The following PTK7 variants were observed in gnomAD, a reference collection of about 807,000 sequenced individuals.
The protein encoded by PTK7 is inactive tyrosine-protein kinase 7.
A neutral mutation model predicts 116.6 loss-of-function variants in PTK7; 39 were observed. That is an observed-to-expected ratio of 0.33 (90% CI 0.26 to 0.44). The LOEUF is 0.44. Ranked by LOEUF, PTK7 falls within the 20% of genes least tolerant of loss-of-function variation. The pLI is 1.00. For synonymous variants in PTK7, 546 were observed against 563.6 expected (o/e 0.97, Z 0.44); for missense variants, 1,169 against 1,425.6 (o/e 0.82, Z 2.90).
At chr6:43,096,798 C>T (rs1016940439) in intron 1 of PTK7, among the ~76,000 whole-genome samples, 3 of 152,236 alleles carry the variant, frequency 2.0e-5, no homozygotes, top group Admixed American at 6.5e-5. Flanking sequence ...CTGGTGAAAC[C>T]GGCTGCACAA....
At chr6:43,151,777 TC>T (rs1432793873) in intron 17 of PTK7, among the ~76,000 whole-genome samples, 10 of 150,850 alleles carry the variant, frequency 6.6e-5, no homozygotes, top group African/African-American at 2.4e-4. Flanking sequence ...GACCTCGTGA[TC>T]CGCCCGCCTC....
intron 18 of PTK7, 63 bp from the exon 19 acceptor site, chr6:43,159,725 G>A: frequency 6.5e-7 from 1 of 1,543,644 alleles, no homozygotes; most frequent in Non-Finnish European, 8.9e-7. Flanking sequence ...ATGGGGAGAT[G>A]AGGGTGCAGC....
At chr6:43,086,471 C>G (rs1273928645) in intron 1 of PTK7, among the ~76,000 whole-genome samples, 3 of 151,182 alleles carry the variant, frequency 2.0e-5, no homozygotes, top group Admixed American at 2.0e-4. Context: ...GAGGGGAACG[C>G]TTGTCTGCTT....
At position 43,139,368 on chromosome 6, in the gene PTK7, C is replaced by T. The variant is rs781109466; in HGVS notation, c.1499-38C>T. On this transcript the variant is annotated intron_variant, in intron 9 of 19. Transcript: ENST00000230419. This position sits in a 1 kb window ranked among gnomAD's most constrained non-coding sequence, Gnocchi z 4.6. ...CTGGCCACGGCCTCTCCAGCGGCCC[C>T]AATTCCTCGTCTTTCTACCCACCCT... 1.9e-6 allele frequency: 3 copies of T among 1,613,942 alleles called. No individual in the cohort carries two copies. In the Admixed American group the frequency reaches 5.0e-5, roughly 27 times the overall value.
At position 43,076,815 on chromosome 6, in the gene PTK7, C is replaced by T. The variant is rs1766044371; in HGVS notation, c.79+248C>T. ...CCGCGGGGACGCATTTCCAGCCTCC[C>T]TGAGTTTTTCTGGTCTGAGCCGAGA... On this transcript the variant is annotated intron_variant, in intron 1 of 19. Transcript: ENST00000230419. This position sits in a 1 kb window ranked among gnomAD's most constrained non-coding sequence, Gnocchi z 5.7. 7.1e-7 allele frequency: 1 copy of T among 1,410,784 alleles called. No homozygotes were observed. Among genetic ancestry groups the T allele is most frequent in the Non-Finnish European group, 9.2e-7 (1 of 1,081,218 alleles). 87.4% of individuals were successfully genotyped at this position (1,410,784 alleles called of 1,614,324 possible).
rs567711908 is a variant in PTK7 at position 43,118,696 on chromosome 6, T to C, written c.80-10281T>C. The stretch of plus-strand genomic sequence containing the variant: ...ATATATATATATATATATGTATATA[T>C]GTATATATGTCTGTATATATACGTA... On this transcript the variant is annotated intron_variant, in intron 1 of 19. Transcript: ENST00000230419. Among the ~76,000 whole-genome samples the C allele has an allele frequency of 7.1e-3, 998 of 139,692 alleles. 21 individuals are homozygous for C. The highest frequency in any genetic ancestry group is 0.025 in the African/African-American group (931 of 36,776). The allele number at this position is 139,692 out of a possible 152,430, so 91.6% of individuals were successfully genotyped here. A position where few individuals can be genotyped will look rare whatever the true frequency, so the allele number is the denominator to read the frequency against.
chr6:43,151,781 C>T (rs932571922), intron 17 of PTK7, among the ~76,000 whole-genome samples: 11 of 151,392 alleles, frequency 7.3e-5, no homozygotes, highest in Non-Finnish European at 1.0e-4. Context: ...TCGTGATCCG[C>T]CCGCCTCGGC....
chr6:43,151,289 G>T (rs547137244), intron 17 of PTK7, among the ~76,000 whole-genome samples: 2 of 147,534 alleles, frequency 1.4e-5, no homozygotes, highest in East Asian at 4.1e-4. Context: ...TCTGCTCACT[G>T]CAAGCTCCGC....
rs2150448635 is a variant in PTK7, at chr6:43,141,405, G to C, written c.1619-263G>C. On this transcript the variant is annotated intron_variant, in intron 10 of 19. Coordinates refer to ENST00000230419, the MANE Select transcript of PTK7 (RefSeq NM_002821.5). The surrounding 1 kb of genome is among the most constrained non-coding windows in gnomAD (Gnocchi z 4.9). ...AGTGATGGGCAGCGGAGTAGGAACA[G>C]GGCCGATCTGGGCCCAAACAGAGTC... 6.6e-6 allele frequency among the ~76,000 whole-genome samples: 1 copy of C among 152,278 alleles called. No individual in the cohort carries two copies. The highest frequency in any genetic ancestry group is 2.1e-4 in the South Asian group (1 of 4,820).
At chr6:43,093,125 A>G (rs1767047467) in intron 1 of PTK7, among the ~76,000 whole-genome samples, 1 of 151,458 alleles carries the variant, frequency 6.6e-6, no homozygotes, top group Non-Finnish European at 1.5e-5. Flanking sequence ...GTCCCTAACA[A>G]GGCAGACAGT....
At chr6:43,157,379 T>TTTTTTTTC (rs1771564496) in intron 17 of PTK7, among the ~76,000 whole-genome samples, 1 of 100,888 alleles carries the variant, frequency 9.9e-6, no homozygotes, top group African/African-American at 3.9e-5. Context: ...TTTTTTTCTT[T>TTTTTTTTC]TTTTTTTTTT....
chr6:43,140,269 T>G (rs1015705823), intron 10 of PTK7, among the ~76,000 whole-genome samples: 6 of 151,350 alleles, frequency 4.0e-5, no homozygotes, highest in Admixed American at 6.6e-5. Flanking sequence ...TAACATAGAG[T>G]AGTGAAACCT....
At chr6:43,158,738 G>C (rs186199128) in intron 17 of PTK7, 79 bp from the exon 18 acceptor site, 1 of 1,463,668 alleles carries the variant, frequency 6.8e-7, no homozygotes, top group African/African-American at 1.4e-5. Flanking sequence ...GTGTTGAAAC[G>C]CTACCAAGGG....
Position 43,143,312 on chromosome 6 carries a change from C to T in PTK7, c.2048-105C>T, listed in dbSNP as rs541137713. ...CAGTGAAGGTGGTGACCCTCCCGGGCCATCTGTTAAGTTGCCCTGTTGATG... is the reference window on the plus strand; with the variant it reads ...CAGTGAAGGTGGTGACCCTCCCGGGTCATCTGTTAAGTTGCCCTGTTGATG... On this transcript the variant is annotated intron_variant, in intron 13 of 19. Coordinates refer to ENST00000230419, the MANE Select transcript of PTK7 (RefSeq NM_002821.5). The surrounding 1 kb of genome is among the most constrained non-coding windows in gnomAD (Gnocchi z 4.2). 5 of 1,142,690 alleles carry T rather than the reference C, an allele frequency of 4.4e-6. No homozygotes were observed. In the South Asian group the frequency reaches 7.1e-5, roughly 16 times the overall value. The allele number at this position is 1,142,690 out of a possible 1,614,324, so 70.8% of individuals were successfully genotyped here. A position where few individuals can be genotyped will look rare whatever the true frequency, so the allele number is the denominator to read the frequency against.
At chr6:43,125,503 C>T (rs1769237508) in intron 1 of PTK7, among the ~76,000 whole-genome samples, 1 of 152,184 alleles carries the variant, frequency 6.6e-6, no homozygotes, top group African/African-American at 2.4e-5. Context: ...GTGGTTCCTG[C>T]AAGCTCAGGG....
chr6:43,143,673 T>G lies in PTK7; in HGVS notation c.2251+53T>G. On this transcript the variant is annotated intron_variant, in intron 14 of 19. Transcript: ENST00000230419. This position sits in a 1 kb window ranked among gnomAD's most constrained non-coding sequence, Gnocchi z 4.2. ...GCCCGTGTGCGGGAGCTGAGCGCCC[T>G]CCCGCGGCCACGGAGGGGAGAGCGC... 6.4e-7 allele frequency: 1 copy of G among 1,564,718 alleles called. No individual in the cohort carries two copies. Among genetic ancestry groups the G allele is most frequent in the Non-Finnish European group, 8.6e-7 (1 of 1,156,204 alleles).
chr6:43,084,825 A>G lies in PTK7; in HGVS notation c.79+8258A>G, dbSNP rs567845998. On this transcript the variant is annotated intron_variant, in intron 1 of 19. Coordinates refer to ENST00000230419, the MANE Select transcript of PTK7 (RefSeq NM_002821.5). ...CTTCAGAGAGGAGAGAAGACCCTACATTGCTGAATAGATGTAGTCAGTGAC... is the reference window on the plus strand; with the variant it reads ...CTTCAGAGAGGAGAGAAGACCCTACGTTGCTGAATAGATGTAGTCAGTGAC... Among the ~76,000 whole-genome samples, 9 of 152,338 alleles carry G rather than the reference A, an allele frequency of 5.9e-5. No individual in the cohort carries two copies. The South Asian group carries it at 1.7e-3, about 28-fold the overall frequency.
chr6:43,103,744 T>C (rs1008527245), intron 1 of PTK7, among the ~76,000 whole-genome samples: 1 of 152,314 alleles, frequency 6.6e-6, no homozygotes, highest in East Asian at 1.9e-4. Context: ...CCTGGGGGCA[T>C]GACTCTTCCC....
intron 1 of PTK7, among the ~76,000 whole-genome samples, chr6:43,123,670 A>C (rs1397829153): frequency 6.6e-6 from 1 of 152,162 alleles, no homozygotes; most frequent in Admixed American, 6.5e-5. Flanking sequence ...GATGGCTGTT[A>C]GGGAGCCAAG....
Sources: allele counts gnomAD v4.1 joint callset (sites outside exome capture counted in the v4.1 genomes callset), GRCh38; gene constraint gnomAD v4.1.1; non-coding constraint Gnocchi (gnomAD v3.1); transcripts MANE v1.5; gene names NCBI Gene and HGNC (gene_info 2026-07-23, HGNC 2026-07-21).